The following GNB1L variants were observed in gnomAD, a reference collection of about 807,000 sequenced individuals.
The protein encoded by GNB1L is guanine nucleotide-binding protein subunit beta-like protein 1.
In GNB1L, 20 loss-of-function variants were observed where a neutral mutation model predicts 29.1. The ratio of observed to expected loss-of-function variants is 0.69; its 90% CI spans 0.48 to 1.00. The LOEUF is 1.00. Ranked by LOEUF, GNB1L falls within the 50% of genes least tolerant of loss-of-function variation. The pLI, the probability that GNB1L is intolerant of heterozygous loss-of-function variation, is 0.00. For missense variants in GNB1L, 421 were observed against 464.9 expected (o/e 0.91, Z 0.87); for synonymous variants, 193 against 206.5 (o/e 0.93, Z 0.56).
chr22:19,839,749 A>G (rs1171212082), intron 2 of GNB1L, among the ~76,000 whole-genome samples: 1 of 152,114 alleles, frequency 6.6e-6, no homozygotes, highest in East Asian at 1.9e-4. Context: ...GCGTGGTGGC[A>G]GGTGCCTGTA....
At chr22:19,831,527 T>A in intron 2 of GNB1L, among the ~76,000 whole-genome samples, 1 of 151,478 alleles carries the variant, frequency 6.6e-6, no homozygotes, top group East Asian at 1.9e-4. Flanking sequence ...CCATCTCTAC[T>A]AAAAATACAA....
chr22:19,850,019 C>T, intron 2 of GNB1L: 1 of 985,866 alleles, frequency 1.0e-6, no homozygotes, highest in African/African-American at 1.7e-5. Context: ...CTGGTCCTCA[C>T]TTCACCTACA....
intron 7 of GNB1L, among the ~76,000 whole-genome samples, chr22:19,795,375 G>A (rs1217815175): frequency 2.6e-5 from 4 of 152,172 alleles, no homozygotes; most frequent in Non-Finnish European, 5.9e-5. Flanking sequence ...CAAAAGATCG[G>A]TAAGGATATT....
intron 7 of GNB1L, among the ~76,000 whole-genome samples, chr22:19,790,619 G>C (rs1287021628): frequency 6.6e-6 from 1 of 152,094 alleles, no homozygotes; most frequent in African/African-American, 2.4e-5. Flanking sequence ...TGAGGCTGTA[G>C]TAAGCTAAGA....
intron 4 of GNB1L, among the ~76,000 whole-genome samples, chr22:19,815,747 A>G (rs1937521486): frequency 6.6e-6 from 1 of 151,902 alleles, no homozygotes; most frequent in African/African-American, 2.4e-5. Context: ...ACACCCAGCT[A>G]ATTTTTGTAT....
At chr22:19,828,179 A>G (rs974157513) in intron 2 of GNB1L, among the ~76,000 whole-genome samples, 5 of 152,246 alleles carry the variant, frequency 3.3e-5, no homozygotes, top group African/African-American at 1.2e-4. Context: ...AAAAGAGTGT[A>G]ACACAAAGTA....
At chr22:19,846,188 A>G (rs1937956612) in intron 2 of GNB1L, 1 of 153,996 alleles carries the variant, frequency 6.5e-6, no homozygotes, top group African/African-American at 2.4e-5. Context: ...TTACATGTGC[A>G]TCGCGGTCGG....
At chr22:19,843,647 C>G (rs529329875) in intron 2 of GNB1L, among the ~76,000 whole-genome samples, 1 of 152,142 alleles carries the variant, frequency 6.6e-6, no homozygotes, top group African/African-American at 2.4e-5. Context: ...GACAACTTGG[C>G]CTGAGGCCCA....
At chr22:19,844,071 C>T (rs1041742182) in intron 2 of GNB1L, among the ~76,000 whole-genome samples, 1 of 152,184 alleles carries the variant, frequency 6.6e-6, no homozygotes, top group Admixed American at 6.5e-5. Context: ...CCCACAGTGC[C>T]CCACCCAGGA....
chr22:19,811,056 C>T (rs769609855), intron 5 of GNB1L, among the ~76,000 whole-genome samples: 1 of 152,186 alleles, frequency 6.6e-6, no homozygotes, highest in Non-Finnish European at 1.5e-5. Context: ...GGTCTGTAGA[C>T]CTTGGGTCCC....
intron 2 of GNB1L, among the ~76,000 whole-genome samples, chr22:19,825,771 A>G (rs945735061): frequency 6.6e-6 from 1 of 151,928 alleles, no homozygotes; most frequent in Non-Finnish European, 1.5e-5. Flanking sequence ...CCAGGGCAAC[A>G]TAGTCAGACC....
chr22:19,806,210 C>T (rs1373349482), intron 6 of GNB1L, among the ~76,000 whole-genome samples: 2 of 152,266 alleles, frequency 1.3e-5, no homozygotes, highest in Non-Finnish European at 2.9e-5. Context: ...AAGTCCACTC[C>T]TGCCTCTAAG....
chr22:19,815,700 G>T (rs1937521311), intron 4 of GNB1L, among the ~76,000 whole-genome samples: 1 of 152,038 alleles, frequency 6.6e-6, no homozygotes, highest in Non-Finnish European at 1.5e-5. Context: ...TCCCACTTCA[G>T]CCTCCCAAGT....
At chr22:19,847,737 A>G (rs1046464240) in intron 2 of GNB1L, 6 of 981,228 alleles carry the variant, frequency 6.1e-6, no homozygotes, top group Middle Eastern at 5.3e-4. Context: ...ACAGTATGAG[A>G]AGGTCCACTT....
At chr22:19,837,128 G>A (rs1180599310) in intron 2 of GNB1L, among the ~76,000 whole-genome samples, 16 of 151,972 alleles carry the variant, frequency 1.1e-4, no homozygotes, top group Admixed American at 2.0e-4. Flanking sequence ...CACCACACCC[G>A]GCTAATTTTT....
intron 2 of GNB1L, among the ~76,000 whole-genome samples, chr22:19,845,786 G>GA (rs1231422110): frequency 2.6e-5 from 4 of 152,244 alleles, no homozygotes; most frequent in Admixed American, 2.0e-4. Flanking sequence ...CCTGCACCAG[G>GA]AGAGTGTGAA....
At chr22:19,849,870 G>A (rs1461013774) in intron 2 of GNB1L, 5 of 985,372 alleles carry the variant, frequency 5.1e-6, no homozygotes, top group African/African-American at 3.5e-5. Flanking sequence ...CTGGGCGGCT[G>A]TACCTGCCTA....
chr22:19,790,977 T>G (rs1030819671), intron 7 of GNB1L, among the ~76,000 whole-genome samples: 11 of 151,978 alleles, frequency 7.2e-5, no homozygotes, highest in Admixed American at 6.6e-5. Flanking sequence ...AGCCATATAA[T>G]CCCAGCACTT....
chr22:19,807,075 AAC>A (rs1937445412), intron 5 of GNB1L, among the ~76,000 whole-genome samples: 1 of 151,486 alleles, frequency 6.6e-6, no homozygotes, highest in African/African-American at 2.4e-5. Flanking sequence ...TTTACATACG[AAC>A]CAGTGTGAGT....
Sources: gnomAD v4.1 joint callset for allele counts (sites outside exome capture counted in the v4.1 genomes callset) on GRCh38, gnomAD v4.1.1 for gene constraint, MANE v1.5 for transcripts, NCBI Gene and HGNC (gene_info 2026-07-23, HGNC 2026-07-21) for gene names.